Variants in CHD3 observed in about 807,000 individuals in gnomAD.
CHD3 encodes ATP-dependent chromatin remodeler CHD3.
In CHD3, 52 loss-of-function variants were observed where a neutral mutation model predicts 248.9. That is an observed-to-expected ratio of 0.21 (90% CI 0.17 to 0.26). The LOEUF is 0.26. CHD3 is among the 10% of genes least tolerant of loss of function. The pLI, the probability that CHD3 is intolerant of heterozygous loss-of-function variation, is 1.00. For missense variants in CHD3, 1,482 were observed against 2,605.8 expected (o/e 0.57, Z 9.39); for synonymous variants, 985 against 985.2 (o/e 1.00, Z 0.00).
At chr17:7,885,997 C>G (rs1334151477), upstream of CHD3, among the ~76,000 whole-genome samples, 1 of 151,990 alleles carries the variant, frequency 6.6e-6, no homozygotes, top group African/African-American at 2.4e-5. Flanking sequence ...GCTCTGGGCT[C>G]TTTTGTGTCA....
At chr17:7,901,029 A>T (rs1323883531) in intron 19 of CHD3, 36 bp downstream of exon 19, 1 of 1,599,886 alleles carries the variant, frequency 6.3e-7, no homozygotes, top group Admixed American at 1.7e-5. Flanking sequence ...TCGAACGCCC[A>T]TTCTCAGAAA....
chr17:7,896,000 C>T lies in CHD3; in HGVS notation c.1707+458C>T, dbSNP rs527382756. ...CAGTACTTTGGGAGGCCGAGGTGGGCGGATCACCTGAGGTCAGGAGATCGA... is the reference window on the plus strand; with the variant it reads ...CAGTACTTTGGGAGGCCGAGGTGGGTGGATCACCTGAGGTCAGGAGATCGA... On this transcript the variant is annotated intron_variant, in intron 10 of 39. Coordinates refer to ENST00000330494, the MANE Select transcript of CHD3 (RefSeq NM_001005273.3). This position sits in a 1 kb window ranked among gnomAD's most constrained non-coding sequence, Gnocchi z 4.9. Among the ~76,000 whole-genome samples, 5 of 151,858 alleles carry T rather than the reference C, an allele frequency of 3.3e-5. No homozygotes were observed. Among genetic ancestry groups the T allele is most frequent in the East Asian group, 2.0e-4 (1 of 5,118 alleles).
Position 7,907,175 on chromosome 17 carries a change from G to A in CHD3, c.4716G>A (p.Glu1572=). Residue 1572 remains glutamate (E), a synonymous_variant, in exon 31 of 40, where the codon GAG becomes GAA. Transcript: ENST00000330494. This position sits in a 1 kb window ranked among gnomAD's most constrained non-coding sequence, Gnocchi z 4.3. ...EKGEGIRTPL[E]KEEAENQEEK... ...GAGAAGGCATAAGGACACCTCTTGA[G>A]AAGGAGGAAGCTGAAAACCAGGAGG... The A allele has an allele frequency of 6.2e-7, 1 of 1,614,240 alleles. No individual in the cohort carries two copies. Among genetic ancestry groups the A allele is most frequent in the Non-Finnish European group, 8.5e-7 (1 of 1,180,032 alleles).
Position 7,907,699 on chromosome 17 carries a change from A to G in CHD3, c.5023A>G (p.Arg1675Gly). 1 of 1,530,804 alleles carries G rather than the reference A, an allele frequency of 6.5e-7. No homozygotes were observed. The highest frequency in any genetic ancestry group is 8.7e-7 in the Non-Finnish European group (1 of 1,144,674). 94.8% of individuals were successfully genotyped at this position (1,530,804 alleles called of 1,614,324 possible). The change falls in exon 33 of 40, where the codon AGA becomes GGA. Residue 1675 changes from arginine (R) to glycine (G), a missense_variant. By Grantham distance (125) the Arg-to-Gly change is moderately radical. This residue lies in a region of CHD3 where 254 missense variants were observed against 266.7 expected (regional missense o/e 0.95). Coordinates refer to ENST00000330494, the MANE Select transcript of CHD3 (RefSeq NM_001005273.3). This position sits in a 1 kb window ranked among gnomAD's most constrained non-coding sequence, Gnocchi z 4.3. ...PEGETGDLGK[R>G]EDVKGDRELR... ...GGGGGAAACAGGGGATTTGGGCAAGAGAGGTAATGGGTGGAAGGGACCGGA... is the reference window on the plus strand; with the variant it reads ...GGGGGAAACAGGGGATTTGGGCAAGGGAGGTAATGGGTGGAAGGGACCGGA...
rs144433709 is a variant in CHD3, at chr17:7,890,075, C to T, written c.213+299C>T. Among the ~76,000 whole-genome samples, 235 of 152,304 alleles carry T rather than the reference C, an allele frequency of 1.5e-3. 1 individual carries two copies. The highest frequency in any genetic ancestry group is 5.3e-3 in the African/African-American group (220 of 41,576). On this transcript the variant is annotated intron_variant, in intron 2 of 39. Transcript: ENST00000330494. The stretch of plus-strand genomic sequence containing the variant: ...TGTATGAATTCAAGAGTCCAGCATT[C>T]CTCTGTCTAGGATACCAGGCCGTTT...
rs1463679785 is a variant in CHD3 at position 7,911,148 on chromosome 17, C to T, written c.5881+175C>T. Among the ~76,000 whole-genome samples, 2 of 152,258 alleles carry T rather than the reference C, an allele frequency of 1.3e-5. No homozygotes were observed. The highest frequency in any genetic ancestry group is 2.9e-5 in the Non-Finnish European group (2 of 68,042). ...CCCACCCATCCCTTTCTTAACCCCTCTTCAGTCCCCTTTATTAAAAACCAG... is the reference window on the plus strand; with the variant it reads ...CCCACCCATCCCTTTCTTAACCCCTTTTCAGTCCCCTTTATTAAAAACCAG... On this transcript the variant is annotated intron_variant, in intron 39 of 39. Coordinates refer to ENST00000330494, the MANE Select transcript of CHD3 (RefSeq NM_001005273.3). The surrounding 1 kb of genome is among the most constrained non-coding windows in gnomAD (Gnocchi z 5.4).
At chr17:7,901,474 G>T in intron 20 of CHD3, 99 bp downstream of exon 20, 3 of 874,132 alleles carry the variant, frequency 3.4e-6, no homozygotes, top group South Asian at 3.0e-5. Context: ...CTGCTCTGGT[G>T]TGACAAATGA....
At chr17:7,894,297 A>G (rs753165289) in intron 7 of CHD3, 32 bp downstream of exon 7, 3 of 1,604,506 alleles carry the variant, frequency 1.9e-6, no homozygotes, top group African/African-American at 2.7e-5. Flanking sequence ...TGATCCTGTC[A>G]GTGGGCCGTC....
chr17:7,894,908 G>T lies in CHD3; in HGVS notation c.1270-9G>T. The T allele has an allele frequency of 6.2e-7, 1 of 1,611,872 alleles. No homozygotes were observed. Reference sequence around the variant, plus strand: ...CCATCTGTCTGTGTGTCTATCCTTGGCCCCCTAGGAGAAGGAGGGGGTCCA... The same window carrying T: ...CCATCTGTCTGTGTGTCTATCCTTGTCCCCCTAGGAGAAGGAGGGGGTCCA... On this transcript the variant is annotated splice_polypyrimidine_tract_variant and intron_variant, in intron 8 of 39. Coordinates refer to ENST00000330494, the MANE Select transcript of CHD3 (RefSeq NM_001005273.3).
chr17:7,888,193 C>G (rs1016740850), upstream of CHD3, among the ~76,000 whole-genome samples: 1 of 152,196 alleles, frequency 6.6e-6, no homozygotes, highest in Non-Finnish European at 1.5e-5. Flanking sequence ...CAGCCACCCC[C>G]CTGCACACAC....
In CHD3 at chr17:7,910,120, C is replaced by T; in HGVS notation, c.5591-308C>T. ...TTCTGACAACTCCCCGCCCCCATGT[C>T]TTCCAATGTCCCCCCATCTTCCTTT... On this transcript the variant is annotated intron_variant, in intron 37 of 39. Transcript: ENST00000330494. This position sits in a 1 kb window ranked among gnomAD's most constrained non-coding sequence, Gnocchi z 4.7. The T allele has an allele frequency of 3.0e-6, 1 of 335,456 alleles. No homozygotes were observed. The highest frequency in any genetic ancestry group is 5.6e-6 in the Non-Finnish European group (1 of 177,598). The allele number at this position is 335,456 out of a possible 1,614,324, so 20.8% of individuals were successfully genotyped here.
In CHD3 at chr17:7,900,429, G is replaced by T; in HGVS notation, c.2804+18G>T. ...AGATTTAAGTAAGTGGTTCCCTAAG[G>T]GTAGTTGGCAGAGATGAGAGGTGGA... is the stretch of plus-strand genomic sequence containing the variant. On this transcript the variant is annotated intron_variant, in intron 17 of 39. Transcript: ENST00000330494. This position sits in a 1 kb window ranked among gnomAD's most constrained non-coding sequence, Gnocchi z 6.5. The T allele has an allele frequency of 6.2e-7, 1 of 1,614,066 alleles. No individual in the cohort carries two copies. The highest frequency in any genetic ancestry group is 8.5e-7 in the Non-Finnish European group (1 of 1,179,998).
rs1597984409 is a variant in CHD3, at chr17:7,904,369, A to G, written c.3895-73A>G. The G allele has an allele frequency of 7.1e-7, 1 of 1,416,586 alleles. No individual in the cohort carries two copies. The highest frequency in any genetic ancestry group is 2.3e-5 in the East Asian group (1 of 43,592). The allele number at this position is 1,416,586 out of a possible 1,614,324, so 87.8% of individuals were successfully genotyped here. A position where few individuals can be genotyped will look rare whatever the true frequency, so the allele number is the denominator to read the frequency against. On this transcript the variant is annotated intron_variant, in intron 24 of 39. Transcript: ENST00000330494. This position sits in a 1 kb window ranked among gnomAD's most constrained non-coding sequence, Gnocchi z 4.4. ...CCGGATTGGGCTGACGCAGCAGAGT[A>G]GGGATTTCCTTGCAGTGGAAGGATT...
In CHD3 at chr17:7,897,013, C is replaced by T; in HGVS notation, c.1708-70C>T. ...CCTGTCCCATTCCTCCTGCCGGCCT[C>T]TTCCCGGTTCCTTGTTGTCCTCTGT... On this transcript the variant is annotated intron_variant, in intron 10 of 39. Transcript: ENST00000330494. The surrounding 1 kb of genome is among the most constrained non-coding windows in gnomAD (Gnocchi z 4.8). 1 of 1,348,264 alleles carries T rather than the reference C, an allele frequency of 7.4e-7. No homozygotes were observed. The highest frequency in any genetic ancestry group is 1.2e-5 in the South Asian group (1 of 83,922). 83.5% of individuals were successfully genotyped at this position (1,348,264 alleles called of 1,614,324 possible). A position where few individuals can be genotyped will look rare whatever the true frequency, so the allele number is the denominator to read the frequency against.
Position 7,895,001 on chromosome 17 carries a change from G to A in CHD3, c.1354G>A (p.Glu452Lys). The change falls in exon 9 of 40, where the codon GAG becomes AAG. Residue 452 changes from glutamate to lysine, a missense_variant. Around this residue, in one of 20 missense-constraint regions of CHD3, gnomAD observed 138 missense variants for 241.1 expected, o/e 0.57. Transcript: ENST00000330494. This position sits in a 1 kb window ranked among gnomAD's most constrained non-coding sequence, Gnocchi z 4.9. ...AGAGGAAGAAGGGGAGAAGGAGGAGGAGGATGATCACATGGAGTACTGCCG... is the reference window on the plus strand; with the variant it reads ...AGAGGAAGAAGGGGAGAAGGAGGAGAAGGATGATCACATGGAGTACTGCCG... ...EGEEEGEKEE[E>K]DDHMEYCRVC... 2 of 1,614,066 alleles carry A rather than the reference G, an allele frequency of 1.2e-6. No individual in the cohort carries two copies. The highest frequency in any genetic ancestry group is 1.7e-6 in the Non-Finnish European group (2 of 1,179,956).
Position 7,894,137 on chromosome 17 carries a change from G to T in CHD3, c.947G>T (p.Gly316Val), listed in dbSNP as rs767308697. 1.9e-6 allele frequency: 3 copies of T among 1,613,194 alleles called. No homozygotes were observed. The highest frequency in any genetic ancestry group is 2.2e-5 in the South Asian group (2 of 91,012). ...GGSYVFQSDE[G>V]PEPEAEESDL... ...CAGTATGTTTTTCAGAGCGACGAAG[G>T]TCCTGAACCAGAGGCTGAGGAATCA... The change falls in exon 7 of 40, where the codon GGT becomes GTT. Residue 316 changes from glycine (G) to valine (V), a missense_variant. Around this residue, in one of 20 missense-constraint regions of CHD3, gnomAD observed 149 missense variants for 182.6 expected, o/e 0.82. Coordinates refer to ENST00000330494, the MANE Select transcript of CHD3 (RefSeq NM_001005273.3).
In CHD3 at chr17:7,890,717, G is replaced by A. The variant is rs748572297; in HGVS notation, c.360G>A (p.Lys120=). The change falls in exon 3 of 40, where the codon AAG becomes AAA. Residue 120 remains lysine (K), a synonymous_variant. Coordinates refer to ENST00000330494, the MANE Select transcript of CHD3 (RefSeq NM_001005273.3). ...AGAAGAAGACAAAGCGGCGGAAAAA[G>A]GGGGAGGGAGATGGGGGGCAAAAGG... ...KKEKKTKRRK[K]GEGDGGQKQV... is the part of the protein sequence containing the mutation. 1 of 1,589,450 alleles carries A rather than the reference G, an allele frequency of 6.3e-7. No homozygotes were observed. The highest frequency in any genetic ancestry group is 8.5e-7 in the Non-Finnish European group (1 of 1,170,582).
chr17:7,891,276 GA>G (rs528871245), intron 4 of CHD3, among the ~76,000 whole-genome samples: 51 of 152,292 alleles, frequency 3.3e-4, no homozygotes, highest in Admixed American at 3.1e-3. Flanking sequence ...GCGAGGGGTG[GA>G]GGGGCCATCA....
In CHD3 at chr17:7,907,826, GAT is replaced by G; in HGVS notation, c.5027-66_5027-65del. On this transcript the variant is annotated intron_variant, in intron 33 of 39. Coordinates refer to ENST00000330494, the MANE Select transcript of CHD3 (RefSeq NM_001005273.3). This position sits in a 1 kb window ranked among gnomAD's most constrained non-coding sequence, Gnocchi z 4.3. ...TGAAAGGCCAGTACAGTACAGTACA[GAT>G]AGTAGTCTTGGGACCTGGGAGGAGG... is the stretch of plus-strand genomic sequence containing the variant. The G allele has an allele frequency of 6.4e-7, 1 of 1,568,230 alleles. No homozygotes were observed. The highest frequency in any genetic ancestry group is 1.4e-5 in the African/African-American group (1 of 73,374).
Sources: allele counts gnomAD v4.1 joint callset (sites outside exome capture counted in the v4.1 genomes callset), GRCh38; gene constraint gnomAD v4.1.1; regional missense constraint gnomAD v4.1.1; non-coding constraint Gnocchi (gnomAD v3.1); transcripts MANE v1.5; gene names NCBI Gene and HGNC (gene_info 2026-07-23, HGNC 2026-07-21).